The following LAMA4 variants were observed in gnomAD, a reference collection of about 807,000 sequenced individuals.
LAMA4 encodes the protein laminin subunit alpha 4, also known as laminin subunit alpha-4.
LAMA4 carries 127 observed loss-of-function variants against 207.1 expected under a neutral mutation model. The observed-to-expected ratio is 0.61, with a 90% confidence interval of 0.53 to 0.71. LAMA4 has a LOEUF of 0.71. Ranked by LOEUF, LAMA4 falls within the 30% of genes least tolerant of loss-of-function variation. The probability of loss-of-function intolerance (pLI) is 0.00; values close to 1 mark genes in which losing one functional copy is unlikely to be tolerated. For synonymous variants in LAMA4, 761 were observed against 816.0 expected (o/e 0.93, Z 1.15); for missense variants, 2,093 against 2,246.5 (o/e 0.93, Z 1.38).
intron 2 of LAMA4, among the ~76,000 whole-genome samples, chr6:112,233,119 A>T (rs1785668405): frequency 6.6e-6 from 1 of 152,218 alleles, no homozygotes; most frequent in African/African-American, 2.4e-5. Flanking sequence ...AGCTCCTGGA[A>T]TGAGCAGCCA....
chr6:112,146,244 C>G (rs34923357), intron 18 of LAMA4, among the ~76,000 whole-genome samples: 2,070 of 151,854 alleles, frequency 0.014, 28 homozygotes, highest in Middle Eastern at 0.034. Flanking sequence ...GGGCCAAGAT[C>G]GCACCACTGC....
chr6:112,216,730 G>A (rs934517565), intron 2 of LAMA4: 3 of 464,318 alleles, frequency 6.5e-6, no homozygotes, highest in Non-Finnish European at 1.2e-5. Flanking sequence ...CTTTAACACT[G>A]TCTTATCATT....
chr6:112,242,336 T>C (rs1455342130), intron 2 of LAMA4, among the ~76,000 whole-genome samples: 2 of 152,178 alleles, frequency 1.3e-5, no homozygotes, highest in Non-Finnish European at 2.9e-5. Context: ...CATTTTCAGG[T>C]AGTATGGGTG....
intron 2 of LAMA4, among the ~76,000 whole-genome samples, chr6:112,220,316 C>T (rs539168866): frequency 6.6e-6 from 1 of 152,274 alleles, no homozygotes; most frequent in South Asian, 2.1e-4. Context: ...ATACCATTTA[C>T]TTCTGCCTTT....
At chr6:112,203,116 C>T (rs1338095494) in intron 4 of LAMA4, among the ~76,000 whole-genome samples, 1 of 152,088 alleles carries the variant, frequency 6.6e-6, no homozygotes, top group African/African-American at 2.4e-5. Flanking sequence ...CTCAAGGGTT[C>T]GTTTTTGTTT....
chr6:112,147,906 G>GA (rs1780128463), intron 18 of LAMA4, among the ~76,000 whole-genome samples: 1 of 151,996 alleles, frequency 6.6e-6, no homozygotes, highest in Non-Finnish European at 1.5e-5. Flanking sequence ...ATTTCACATA[G>GA]AAAAAATTAT....
chr6:112,133,171 TCA>T (rs1779142696), intron 27 of LAMA4, among the ~76,000 whole-genome samples, 176 bp downstream of exon 27: 1 of 152,094 alleles, frequency 6.6e-6, no homozygotes, highest in Non-Finnish European at 1.5e-5. Context: ...AACGAACAAG[TCA>T]CAGAGGAACC....
At position 112,207,083 on chromosome 6, in the gene LAMA4, A is replaced by G. The variant is rs782460149; in HGVS notation, c.360T>C (p.Asp120=). ...AGAATTGGGGTGCTCCCCTGATGGA[A>G]TCTCCGATATAACCATCCAGACACT... ...CEKCLDGYIG[D]SIRGAPQFCQ... is the part of the protein sequence containing the mutation. The change falls in exon 4 of 39, where the codon GAT becomes GAC. Residue 120 remains aspartate, a synonymous_variant. Coordinates refer to ENST00000230538, the MANE Select transcript of LAMA4 (RefSeq NM_001105206.3). 6.2e-7 allele frequency: 1 copy of G among 1,613,990 alleles called. No homozygotes were observed. Among genetic ancestry groups the G allele is most frequent in the Non-Finnish European group, 8.5e-7 (1 of 1,179,926 alleles).
chr6:112,147,183 G>A (rs894836499), intron 18 of LAMA4, among the ~76,000 whole-genome samples: 1 of 152,198 alleles, frequency 6.6e-6, no homozygotes, highest in Admixed American at 6.5e-5. Context: ...AACAGATTTG[G>A]TACATATTCC....
At chr6:112,134,714 T>C (rs1256720095) in intron 25 of LAMA4, 105 bp from the exon 26 acceptor site, 1 of 915,134 alleles carries the variant, frequency 1.1e-6, no homozygotes, top group Non-Finnish European at 1.7e-6. Flanking sequence ...TGTTCTTCCA[T>C]GCCTTTGTGC....
At chr6:112,159,487 A>G (rs1780926094) in intron 13 of LAMA4, 1 of 154,944 alleles carries the variant, frequency 6.5e-6, no homozygotes, top group African/African-American at 2.4e-5. Flanking sequence ...TTGCTTAAAG[A>G]TCGTGCAACT....
chr6:112,227,011 G>C (rs1785251718), intron 2 of LAMA4, among the ~76,000 whole-genome samples: 1 of 151,878 alleles, frequency 6.6e-6, no homozygotes, highest in African/African-American at 2.4e-5. Flanking sequence ...GTGGGGATGA[G>C]ACTGAGAAAG....
At chr6:112,248,240 C>T (rs947816212) in intron 2 of LAMA4, among the ~76,000 whole-genome samples, 19 of 152,260 alleles carry the variant, frequency 1.2e-4, no homozygotes, top group African/African-American at 3.9e-4. Context: ...GTGGCTCATG[C>T]CTGTAATCCC....
intron 13 of LAMA4, among the ~76,000 whole-genome samples, chr6:112,161,552 A>C (rs1038961433): frequency 2.6e-5 from 4 of 152,248 alleles, no homozygotes; most frequent in South Asian, 2.1e-4. Flanking sequence ...ATTATGGACC[A>C]GGAACTCTTC....
At chr6:112,171,342 G>C (rs1462667681) in intron 12 of LAMA4, among the ~76,000 whole-genome samples, 1 of 152,082 alleles carries the variant, frequency 6.6e-6, no homozygotes, top group Non-Finnish European at 1.5e-5. Flanking sequence ...GGATTGATAA[G>C]CACATGCAGT....
chr6:112,198,205 T>TG (rs1269114638), intron 5 of LAMA4, among the ~76,000 whole-genome samples: 6 of 151,946 alleles, frequency 3.9e-5, no homozygotes, highest in Non-Finnish European at 7.4e-5. Context: ...CAGTGGGTGG[T>TG]GAAGGGGAGT....
At chr6:112,245,880 C>A (rs1369434305) in intron 2 of LAMA4, among the ~76,000 whole-genome samples, 1 of 152,152 alleles carries the variant, frequency 6.6e-6, no homozygotes, top group Non-Finnish European at 1.5e-5. Flanking sequence ...GTCTCTCCTC[C>A]CGCTTTTAAC....
intron 22 of LAMA4, among the ~76,000 whole-genome samples, chr6:112,140,350 C>T (rs1167269085): frequency 6.6e-6 from 1 of 152,158 alleles, no homozygotes; most frequent in African/African-American, 2.4e-5. Flanking sequence ...AGTCTCACCC[C>T]CTCTCTCATC....
chr6:112,251,810 T>C (rs1256451297), intron 2 of LAMA4, among the ~76,000 whole-genome samples: 1 of 152,242 alleles, frequency 6.6e-6, no homozygotes, highest in Non-Finnish European at 1.5e-5. Flanking sequence ...TTCTACACCA[T>C]ATACTTTGAC....
Sources: gnomAD v4.1 joint callset for allele counts (sites outside exome capture counted in the v4.1 genomes callset) on GRCh38, gnomAD v4.1.1 for gene constraint, MANE v1.5 for transcripts, NCBI Gene and HGNC (gene_info 2026-07-23, HGNC 2026-07-21) for gene names.